ARHGAP32: variants seen among roughly 807,000 people sequenced by gnomAD.
ARHGAP32 encodes Rho GTPase activating protein 32, also known as rho GTPase-activating protein 32.
In ARHGAP32, 51 loss-of-function variants were observed where a neutral mutation model predicts 186.5. That is an observed-to-expected ratio of 0.27 (90% CI 0.22 to 0.35). The LOEUF (loss-of-function observed/expected upper bound fraction) is 0.35. Ranked by LOEUF, ARHGAP32 falls within the 10% of genes least tolerant of loss-of-function variation. ARHGAP32 has a pLI of 1.00. For synonymous variants in ARHGAP32, 950 were observed against 964.3 expected (o/e 0.99, Z 0.27); for missense variants, 2,186 against 2,623.5 (o/e 0.83, Z 3.64).
At chr11:129,212,671 G>A (rs1944595529) in intron 1 of ARHGAP32, among the ~76,000 whole-genome samples, 1 of 152,104 alleles carries the variant, frequency 6.6e-6, no homozygotes, top group Non-Finnish European at 1.5e-5. Flanking sequence ...CAATTGTAAT[G>A]TTTTAGATGG....
At chr11:129,130,230 C>T (rs751098629) in intron 2 of ARHGAP32, among the ~76,000 whole-genome samples, 4 of 152,054 alleles carry the variant, frequency 2.6e-5, no homozygotes, top group Non-Finnish European at 4.4e-5. Flanking sequence ...CAATGCAATT[C>T]AAAAGAACAG....
At chr11:129,248,212 CAAAAAA>C (rs61454534) in intron 1 of ARHGAP32, among the ~76,000 whole-genome samples, 4 of 122,006 alleles carry the variant, frequency 3.3e-5, no homozygotes, top group African/African-American at 8.9e-5. Flanking sequence ...TTGGCTGTCT[CAAAAAA>C]AAAAAAAAAA....
At chr11:129,105,292 G>A (rs954837979) in intron 5 of ARHGAP32, among the ~76,000 whole-genome samples, 3 of 152,136 alleles carry the variant, frequency 2.0e-5, no homozygotes, top group South Asian at 2.1e-4. Flanking sequence ...CCATGCACAC[G>A]CACAGGGTAG....
intron 2 of ARHGAP32, among the ~76,000 whole-genome samples, chr11:129,145,833 T>G (rs867627511): frequency 2.8e-4 from 43 of 152,144 alleles, no homozygotes; most frequent in African/African-American, 9.2e-4. Flanking sequence ...ACTTGATTCA[T>G]GCCAGAGAAG....
chr11:129,060,336 CATAGATAGATAGATAGATAGATAGATAG>C (rs60434028), intron 10 of ARHGAP32, among the ~76,000 whole-genome samples: 1 of 148,440 alleles, frequency 6.7e-6, no homozygotes, highest in African/African-American at 2.5e-5. Flanking sequence ...AGGTGTTACA[CATAGATAGATAGATAGATAGATAGATAG>C]ATAGATAGAT....
chr11:129,062,327 G>T lies in ARHGAP32; in HGVS notation c.916C>A (p.Pro306Thr). The part of the protein sequence containing the change: ...VGDIVSVIDM[P>T]PKVLSTWWRG... ...CACCATGTGCTTAACACTTTCGGGG[G>T]CATGTCAATAACAGAAACAATGTCT... The change falls in exon 10 of 23, where the codon CCC becomes ACC. Residue 306 changes from proline to threonine, a missense_variant. Pro to Thr is a conservative substitution (Grantham distance 38). Around this residue, in one of 5 missense-constraint regions of ARHGAP32, gnomAD observed 308 missense variants for 596.5 expected, o/e 0.52. Coordinates refer to ENST00000682385, the MANE Select transcript of ARHGAP32 (RefSeq NM_001378024.1). The T allele has an allele frequency of 6.2e-7, 1 of 1,613,588 alleles. No individual in the cohort carries two copies.
intron 11 of ARHGAP32, among the ~76,000 whole-genome samples, chr11:129,023,269 G>T (rs1565380924): frequency 6.6e-6 from 1 of 152,154 alleles, no homozygotes; most frequent in Admixed American, 6.5e-5. Context: ...AATATTTTAT[G>T]GATGGAGATG....
intron 1 of ARHGAP32, among the ~76,000 whole-genome samples, chr11:129,227,797 G>A (rs183832221): frequency 6.6e-6 from 1 of 152,180 alleles, no homozygotes; most frequent in East Asian, 1.9e-4. Flanking sequence ...CAATAATAGA[G>A]ACATGTATCC....
intron 1 of ARHGAP32, among the ~76,000 whole-genome samples, chr11:129,165,313 G>A (rs1943613192): frequency 6.6e-6 from 1 of 151,864 alleles, no homozygotes; most frequent in Admixed American, 6.6e-5. Context: ...GCCCATCAAT[G>A]GTGAGGAGAT....
At chr11:129,106,383 C>T (rs1014572665) in intron 5 of ARHGAP32, among the ~76,000 whole-genome samples, 4 of 151,992 alleles carry the variant, frequency 2.6e-5, no homozygotes, top group Non-Finnish European at 5.9e-5. Context: ...AATATAAATG[C>T]AGACAGTGGT....
At chr11:129,117,318 TG>T (rs1391864746) in intron 5 of ARHGAP32, among the ~76,000 whole-genome samples, 1 of 152,070 alleles carries the variant, frequency 6.6e-6, no homozygotes, top group Non-Finnish European at 1.5e-5. Flanking sequence ...TGAGACAATG[TG>T]GAAACAGTAT....
chr11:129,118,984 C>G (rs1044216354), intron 5 of ARHGAP32, among the ~76,000 whole-genome samples: 1 of 151,992 alleles, frequency 6.6e-6, no homozygotes, highest in Non-Finnish European at 1.5e-5. Context: ...ATTATCTGTA[C>G]TAATTTTTAC....
chr11:129,134,474 T>C (rs972379304), intron 2 of ARHGAP32, among the ~76,000 whole-genome samples: 3 of 152,122 alleles, frequency 2.0e-5, no homozygotes, highest in South Asian at 2.1e-4. Flanking sequence ...AAAGAATGTA[T>C]CAAGGTCTCT....
intron 11 of ARHGAP32, among the ~76,000 whole-genome samples, chr11:129,008,059 G>A (rs1296672088): frequency 6.6e-6 from 1 of 152,224 alleles, no homozygotes; most frequent in South Asian, 2.1e-4. Flanking sequence ...AGAGAGCACA[G>A]ATTCTCTCTC....
At chr11:129,248,302 A>G (rs1245529134) in intron 1 of ARHGAP32, among the ~76,000 whole-genome samples, 1 of 151,984 alleles carries the variant, frequency 6.6e-6, no homozygotes, top group Non-Finnish European at 1.5e-5. Flanking sequence ...TAGAAGTTCT[A>G]TAAGCTTAAC....
chr11:129,064,152 A>AC, intron 8 of ARHGAP32, 128 bp from the exon 9 acceptor site: 1 of 713,576 alleles, frequency 1.4e-6, no homozygotes, highest in Non-Finnish European at 2.1e-6. Flanking sequence ...AAAAAAAACT[A>AC]CCATTTACTG....
intron 1 of ARHGAP32, among the ~76,000 whole-genome samples, chr11:129,246,275 AC>A (rs1196363949): frequency 3.9e-5 from 6 of 152,210 alleles, no homozygotes; most frequent in Admixed American, 3.3e-4. Flanking sequence ...AGAGAAACGT[AC>A]CCAAATGTGG....
intron 22 of ARHGAP32, 179 bp from the exon 23 acceptor site, chr11:128,971,338 G>C (rs1219283565): frequency 1.8e-6 from 1 of 566,268 alleles, no homozygotes; most frequent in African/African-American, 1.9e-5. Context: ...CTGCTATTTT[G>C]TACAACACCC....
In ARHGAP32 at chr11:128,972,519, T is replaced by C; in HGVS notation, c.3987A>G (p.Ala1329=). 1 of 1,550,814 alleles carries C rather than the reference T, an allele frequency of 6.4e-7. No homozygotes were observed. Among genetic ancestry groups the C allele is most frequent in the East Asian group, 2.3e-5 (1 of 44,326 alleles). ...CCTGCCCCACAACTGGTGGCTGCTC[T>C]GCAGATCTCTGGGAAGGCGGAGGGG... ...PLPPPPSQRS[A]EQPPVVGQVQ... The change falls in exon 22 of 23, where the codon GCA becomes GCG. Residue 1329 remains alanine, a synonymous_variant. Transcript: ENST00000682385.
Sources: allele counts gnomAD v4.1 joint callset (sites outside exome capture counted in the v4.1 genomes callset), GRCh38; gene constraint gnomAD v4.1.1; regional missense constraint gnomAD v4.1.1; transcripts MANE v1.5; gene names NCBI Gene and HGNC (gene_info 2026-07-23, HGNC 2026-07-21).